Variants in FADS2 observed in about 807,000 individuals in gnomAD.
FADS2 encodes the protein acyl-CoA 6-desaturase.
Under a neutral mutation model 61.2 loss-of-function variants are expected in FADS2, and 18 were observed. The ratio of observed to expected loss-of-function variants is 0.29; its 90% CI spans 0.20 to 0.44. The LOEUF (loss-of-function observed/expected upper bound fraction) is 0.44, where lower values mean the gene tolerates loss of function less well. Ranked by LOEUF, FADS2 falls within the 20% of genes least tolerant of loss-of-function variation. The pLI, the probability that FADS2 is intolerant of heterozygous loss-of-function variation, is 1.00. For missense variants in FADS2, 322 were observed against 572.7 expected (o/e 0.56, Z 4.47); for synonymous variants, 203 against 223.9 (o/e 0.91, Z 0.83).
At position 61,828,403 on chromosome 11, in the gene FADS2, G is replaced by A; in HGVS notation, c.13G>A (p.Gly5Arg). Reference sequence around the variant, plus strand: ...GTCGGCAGGCAGCATGGGGAAGGGAGGGAACCAGGGCGAGGGGGCCGCCGA... The same window carrying A: ...GTCGGCAGGCAGCATGGGGAAGGGAAGGAACCAGGGCGAGGGGGCCGCCGA... MGKG[G>R]NQGEGAAERE... Residue 5 changes from glycine to arginine, a missense_variant, in exon 1 of 12, where the codon GGG becomes AGG. Gly to Arg is a moderately radical substitution (Grantham distance 125). Coordinates refer to ENST00000278840, the MANE Select transcript of FADS2 (RefSeq NM_004265.4). This position sits in a 1 kb window ranked among gnomAD's most constrained non-coding sequence, Gnocchi z 6.4. 6.4e-7 allele frequency: 1 copy of A among 1,566,546 alleles called. No homozygotes were observed. Among genetic ancestry groups the A allele is most frequent in the South Asian group, 1.2e-5 (1 of 85,446 alleles).
rs535806631 is a variant in FADS2, at chr11:61,836,890, C to T, written c.208-888C>T. On this transcript the variant is annotated intron_variant, in intron 1 of 11. Transcript: ENST00000278840. ...ACCACTGGGACATTCTATTGCATCC[C>T]CTCAGGGGAGCCTGGTGCTGGCTCA... 8.5e-5 allele frequency among the ~76,000 whole-genome samples: 13 copies of T among 152,262 alleles called. No individual in the cohort carries two copies. The South Asian group carries it at 2.5e-3, about 29-fold the overall frequency.
chr11:61,823,137 C>G (rs562204568), intron 1 of FADS2, among the ~76,000 whole-genome samples: 1 of 152,282 alleles, frequency 6.6e-6, no homozygotes, highest in East Asian at 1.9e-4. Context: ...ACCTCTCCAC[C>G]AATACTATGA....
chr11:61,822,232 G>A (rs2067041061), intron 1 of FADS2, among the ~76,000 whole-genome samples: 1 of 152,198 alleles, frequency 6.6e-6, no homozygotes, highest in Non-Finnish European at 1.5e-5. Context: ...GACTCCCAAA[G>A]TGCTGGGATT....
upstream of FADS2, chr11:61,828,217 G>A: frequency 7.7e-6 from 11 of 1,431,740 alleles, no homozygotes; most frequent in South Asian, 1.5e-5. The surrounding 1 kb of genome is among the most constrained non-coding windows in gnomAD (Gnocchi z 6.4). Context: ...GGACACTCCC[G>A]AGCGCAGGCG....
In FADS2 at chr11:61,865,078, C is replaced by T; in HGVS notation, c.1158-74C>T. ...CTGAGGGCCCCAGCCAGCCTCTGCCCAGGTGGTGGGAGGAAGCGGGAGCAG... is the reference window on the plus strand; with the variant it reads ...CTGAGGGCCCCAGCCAGCCTCTGCCTAGGTGGTGGGAGGAAGCGGGAGCAG... On this transcript the variant is annotated intron_variant, in intron 10 of 11. Transcript: ENST00000278840. This position sits in a 1 kb window ranked among gnomAD's most constrained non-coding sequence, Gnocchi z 4.1. 6.5e-7 allele frequency: 1 copy of T among 1,546,164 alleles called. No homozygotes were observed. Among genetic ancestry groups the T allele is most frequent in the Non-Finnish European group, 8.8e-7 (1 of 1,139,992 alleles).
chr11:61,863,628 TA>T, intron 9 of FADS2, 78 bp from the exon 10 acceptor site: 2 of 1,267,872 alleles, frequency 1.6e-6, no homozygotes, highest in Non-Finnish European at 2.3e-6. Context: ...AGACCCTGGG[TA>T]AGGCTGGGCC....
intron 5 of FADS2, chr11:61,855,697 C>G (rs2067350929): frequency 6.6e-6 from 1 of 152,270 alleles, no homozygotes. Context: ...CTGGTTCCCA[C>G]CCACAGCCTC....
intron 4 of FADS2, 30 bp downstream of exon 4, chr11:61,840,755 CTGTTG>C: frequency 6.6e-7 from 1 of 1,521,988 alleles, no homozygotes; most frequent in Non-Finnish European, 9.1e-7. Context: ...GGCATCTGTC[CTGTTG>C]GACAGCAGTT....
rs969355851 is a variant in FADS2 at position 61,816,327 on chromosome 11, G to T, written c.42G>T (p.Val14=). Residue 14 remains valine (V), a synonymous_variant, in exon 1 of 12, where the codon GTG becomes GTT. Transcript: ENST00000257261. The surrounding 1 kb of genome is among the most constrained non-coding windows in gnomAD (Gnocchi z 7.0). ...CGGGACCCTTTGTTTGTGTGTGCGT[G>T]TTGTTGGCCTCCATCCCCACTCCCC... is the stretch of plus-strand genomic sequence containing the variant. 15 of 1,598,312 alleles carry T rather than the reference G, an allele frequency of 9.4e-6. No individual in the cohort carries two copies. The highest frequency in any genetic ancestry group is 4.0e-5 in the African/African-American group (3 of 74,912).
upstream of FADS2, among the ~76,000 whole-genome samples, chr11:61,827,123 G>T (rs963719972): frequency 6.6e-6 from 1 of 152,174 alleles, no homozygotes; most frequent in Non-Finnish European, 1.5e-5. The surrounding 1 kb of genome is among the most constrained non-coding windows in gnomAD (Gnocchi z 4.5). Context: ...ATGCAGTCAG[G>T]CCCATTTCCC....
At chr11:61,832,531 G>A (rs2067138640) in intron 1 of FADS2, among the ~76,000 whole-genome samples, 2 of 152,208 alleles carry the variant, frequency 1.3e-5, no homozygotes, top group Non-Finnish European at 2.9e-5. Flanking sequence ...TGTCTCCTGT[G>A]CAGCCCTGCC....
At chr11:61,819,468 T>G (rs1294637163) in intron 1 of FADS2, among the ~76,000 whole-genome samples, 1 of 151,856 alleles carries the variant, frequency 6.6e-6, no homozygotes, top group African/African-American at 2.4e-5. Context: ...ATTGCTTGAA[T>G]CCGGGAGGCA....
At chr11:61,842,513 T>C (rs1328655455) in intron 4 of FADS2, among the ~76,000 whole-genome samples, 2 of 152,228 alleles carry the variant, frequency 1.3e-5, no homozygotes, top group Non-Finnish European at 2.9e-5. Flanking sequence ...TCCTGTCCAA[T>C]TGCCCTCAGT....
intron 5 of FADS2, among the ~76,000 whole-genome samples, chr11:61,853,272 TCCC>T (rs2067324656): frequency 1.2e-5 from 1 of 80,752 alleles, no homozygotes; most frequent in African/African-American, 8.8e-5. Flanking sequence ...TCTCCCTCCC[TCCC>T]TTCCCTCCCT....
intron 4 of FADS2, among the ~76,000 whole-genome samples, chr11:61,841,252 A>C (rs1409789874): frequency 6.6e-6 from 1 of 151,890 alleles, no homozygotes; most frequent in Admixed American, 6.5e-5. Flanking sequence ...GGGTTTTGCT[A>C]TGTTGGTCAG....
upstream of FADS2, chr11:61,826,070 G>A (rs2067082590): frequency 1.4e-6 from 1 of 702,548 alleles, no homozygotes; most frequent in Non-Finnish European, 2.6e-6. Context: ...AGCCTCTGGA[G>A]TTATCTTTCT....
chr11:61,844,861 G>A (rs1354033786), intron 4 of FADS2, among the ~76,000 whole-genome samples: 24 of 150,940 alleles, frequency 1.6e-4, no homozygotes, highest in African/African-American at 5.6e-4. Context: ...GGAGGTAGAG[G>A]TTGCAGTGAG....
chr11:61,857,371 C>A, intron 6 of FADS2, 83 bp from the exon 7 acceptor site: 1 of 1,266,368 alleles, frequency 7.9e-7, no homozygotes, highest in East Asian at 2.3e-5. Flanking sequence ...CCCCTGCACT[C>A]AGTGCTGGGC....
chr11:61,862,732 C>G (rs931226671), intron 7 of FADS2: 13 of 536,678 alleles, frequency 2.4e-5, no homozygotes, highest in African/African-American at 1.9e-5. Context: ...GTCCGTTTCT[C>G]TCCCGAAAAA....
Sources: allele counts gnomAD v4.1 joint callset (sites outside exome capture counted in the v4.1 genomes callset), GRCh38; gene constraint gnomAD v4.1.1; non-coding constraint Gnocchi (gnomAD v3.1); transcripts MANE v1.5; gene names NCBI Gene and HGNC (gene_info 2026-07-23, HGNC 2026-07-21).